TMEM101: variants seen among roughly 807,000 people sequenced by gnomAD.
TMEM101 encodes the protein transmembrane protein 101, also known as putative NF-kappa-B-activating protein 130.
In TMEM101, 14 loss-of-function variants were observed where a neutral mutation model predicts 26.0. That is an observed-to-expected ratio of 0.54 (90% confidence interval 0.36 to 0.84). TMEM101 has a LOEUF of 0.84. Ranked by LOEUF, TMEM101 falls within the 40% of genes least tolerant of loss-of-function variation. TMEM101 has a pLI of 0.01. For synonymous variants in TMEM101, 152 were observed against 145.1 expected, an observed-to-expected ratio of 1.05 and a Z score of -0.34; for missense variants, 292 against 345.1, an observed-to-expected ratio of 0.85 and a Z score of 1.22.
At chr17:44,022,355 T>G (rs1016638966) in intron 1 of TMEM101, among the ~76,000 whole-genome samples, 5 of 152,234 alleles carry the variant, frequency 3.3e-5, no homozygotes, top group Non-Finnish European at 7.3e-5. Context: ...TCTTCAGTAC[T>G]TCTACTTCCA....
At position 44,012,228 on chromosome 17, in the gene TMEM101, T is replaced by G. The variant is rs2049170135; in HGVS notation, c.474A>C (p.Ser158=). 6.2e-7 allele frequency: 1 copy of G among 1,611,530 alleles called. No homozygotes were observed. ...GCCGGTCCTCCTTGCTGTGCTGCAGTGAGTAGGCCTGGAGACATAACATCC... is the reference window on the plus strand; with the variant it reads ...GCCGGTCCTCCTTGCTGTGCTGCAGGGAGTAGGCCTGGAGACATAACATCC... ...LGIYLICVAY[S]LQHSKEDRLA... Residue 158 remains serine, a synonymous_variant, in exon 4 of 4, where the codon TCA becomes TCC. Transcript: ENST00000206380.
intron 2 of TMEM101, among the ~76,000 whole-genome samples, chr17:44,020,064 G>T (rs760192679): frequency 1.3e-5 from 2 of 152,188 alleles, no homozygotes; most frequent in Admixed American, 6.5e-5. Context: ...CTGAATGTTT[G>T]AATTTGTTGC....
rs773435165 is a variant in TMEM101, at chr17:44,012,013, C to A, written c.689G>T (p.Arg230Leu). ...GNVAYWHNTR[R>L]VEFWNQMKLL... is the part of the protein sequence containing the mutation. Reference sequence around the variant, plus strand: ...CTTCATCTGGTTCCAGAACTCAACACGCCGCGTGTTGTGCCAGTAAGCAAC... The same window carrying A: ...CTTCATCTGGTTCCAGAACTCAACAAGCCGCGTGTTGTGCCAGTAAGCAAC... Residue 230 changes from arginine (R) to leucine (L), a missense_variant, in exon 4 of 4, where the codon CGT (arginine) becomes CTT (leucine). By Grantham distance (102) the Arg-to-Leu change is moderately radical. Around this residue, in one of 2 missense-constraint regions of TMEM101, gnomAD observed 149 missense variants for 211.9 expected, o/e 0.70. Coordinates refer to ENST00000206380, the MANE Select transcript of TMEM101 (RefSeq NM_032376.4). 1.2e-6 allele frequency: 2 copies of A among 1,614,068 alleles called. No homozygotes were observed. Among genetic ancestry groups the A allele is most frequent in the Non-Finnish European group, 1.7e-6 (2 of 1,180,044 alleles).
At chr17:44,022,990 T>C in intron 1 of TMEM101, 1 of 218,124 alleles carries the variant, frequency 4.6e-6, no homozygotes, top group Non-Finnish European at 9.4e-6. Flanking sequence ...ATAAGCAAAT[T>C]GCAATAGGAA....
At position 44,012,045 on chromosome 17, in the gene TMEM101, A is replaced by G. The variant is rs747203975; in HGVS notation, c.657T>C (p.Asp219=). ...TGTTGTGCCAGTAAGCAACATTGCC[A>G]TCAATGAGCAGCATGACAGGGGGCA... ...VLLPPVMLLI[D]GNVAYWHNTR... The change falls in exon 4 of 4, where the codon GAT becomes GAC. Residue 219 remains aspartate, a synonymous_variant. Coordinates refer to ENST00000206380, the MANE Select transcript of TMEM101 (RefSeq NM_032376.4). 8 of 1,614,096 alleles carry G rather than the reference A, an allele frequency of 5.0e-6. No homozygotes were observed. In the East Asian group the frequency reaches 1.6e-4, roughly 31 times the overall value.
chr17:44,017,625 T>C (rs2049246998), upstream of TMEM101, among the ~76,000 whole-genome samples: 1 of 141,856 alleles, frequency 7.0e-6, no homozygotes, highest in Non-Finnish European at 1.5e-5. Context: ...AAGCCAGGCA[T>C]GGTGGGAGGC....
At position 44,014,359 on chromosome 17, in the gene TMEM101, T is replaced by G. The variant is rs1597870772; in HGVS notation, c.316A>C (p.Lys106Gln). 6.4e-7 allele frequency: 1 copy of G among 1,550,520 alleles called. No individual in the cohort carries two copies. Among genetic ancestry groups the G allele is most frequent in the African/African-American group, 1.4e-5 (1 of 73,072 alleles). ...GGYVHYGDWL[K>Q]VRMYSRTVAI... Reference sequence around the variant, plus strand: ...CCTTTTGGGGCCGAGGCGCTCACCTTCAGCCAGTCCCCGTAGTGGACGTAG... The same window carrying G: ...CCTTTTGGGGCCGAGGCGCTCACCTGCAGCCAGTCCCCGTAGTGGACGTAG... Residue 106 changes from lysine to glutamine, a missense_variant and splice_region_variant, in exon 2 of 4, where the codon AAG (lysine) becomes CAG (glutamine). This residue lies in a region of TMEM101 where 149 missense variants were observed against 211.9 expected (regional missense o/e 0.70). Transcript: ENST00000206380.
upstream of TMEM101, among the ~76,000 whole-genome samples, chr17:44,015,628 C>A (rs1053087620): frequency 1.3e-5 from 2 of 152,096 alleles, no homozygotes; most frequent in African/African-American, 2.4e-5. Flanking sequence ...CTCCTGACTT[C>A]GTGATCCGCC....
upstream of TMEM101, among the ~76,000 whole-genome samples, chr17:44,015,333 A>G (rs931234433): frequency 6.6e-6 from 1 of 152,120 alleles, no homozygotes; most frequent in Admixed American, 6.5e-5. Flanking sequence ...TATGAGACTC[A>G]TCATGAAATG....
upstream of TMEM101, among the ~76,000 whole-genome samples, chr17:44,015,542 C>A (rs1455108997): frequency 6.6e-6 from 1 of 152,088 alleles, no homozygotes; most frequent in Non-Finnish European, 1.5e-5. Flanking sequence ...TACAGGCTCT[C>A]GCCACCACGC....
upstream of TMEM101, among the ~76,000 whole-genome samples, chr17:44,019,027 T>TC (rs1484853742): frequency 2.0e-5 from 3 of 151,924 alleles, no homozygotes; most frequent in Admixed American, 6.6e-5. Context: ...GTCCCTGTGG[T>TC]CCCCCCACTC....
At chr17:44,014,648 C>T in intron 1 of TMEM101, 111 bp from the exon 2 acceptor site, 1 of 1,510,044 alleles carries the variant, frequency 6.6e-7, no homozygotes. Context: ...CCAGACTCCC[C>T]TCCCATGGGC....
At chr17:44,015,640 G>C (rs998421592), upstream of TMEM101, among the ~76,000 whole-genome samples, 5 of 152,106 alleles carry the variant, frequency 3.3e-5, no homozygotes, top group Non-Finnish European at 7.4e-5. Context: ...TGATCCGCCC[G>C]CCTCGGCCTC....
chr17:44,011,774 G>A lies in TMEM101; in HGVS notation c.*154C>T, dbSNP rs771898940. On this transcript the variant is annotated 3_prime_UTR_variant, in exon 4 of 4. Transcript: ENST00000206380. The stretch of plus-strand genomic sequence containing the variant: ...TGAGCCCAGAAATTTGGACAAATGA[G>A]CTGCCTCTTAACTGCAAAAAACAAT... The A allele has an allele frequency of 5.5e-4, 438 of 798,732 alleles. No individual in the cohort carries two copies. Among genetic ancestry groups the A allele is most frequent in the Non-Finnish European group, 7.8e-4 (407 of 519,284 alleles). The allele number at this position is 798,732 out of a possible 1,614,324, so 49.5% of individuals were successfully genotyped here.
chr17:44,017,739 G>A (rs2049248322), upstream of TMEM101, among the ~76,000 whole-genome samples: 1 of 151,264 alleles, frequency 6.6e-6, no homozygotes, highest in Non-Finnish European at 1.5e-5. Flanking sequence ...CTCCAGCCTG[G>A]GCGACAAGAG....
At chr17:44,017,147 T>G (rs536487850), upstream of TMEM101, among the ~76,000 whole-genome samples, 474 of 76,502 alleles carry the variant, frequency 6.2e-3, 2 homozygotes, top group Admixed American at 0.014. Flanking sequence ...TGAGAGACTC[T>G]GTCTCAAAAA....
chr17:44,015,053 C>G (rs949121876), upstream of TMEM101: 3 of 1,463,592 alleles, frequency 2.0e-6, no homozygotes, highest in African/African-American at 4.3e-5. Context: ...CTTTTTCCTC[C>G]CGGAAACAAC....
chr17:44,014,653 A>G (rs1035757540), intron 1 of TMEM101, 116 bp from the exon 2 acceptor site: 91 of 1,505,940 alleles, frequency 6.0e-5, no homozygotes, highest in Middle Eastern at 6.0e-4. Flanking sequence ...CTCCCCTCCC[A>G]TGGGCAGGAC....
chr17:44,012,864 TG>T, intron 3 of TMEM101, 144 bp downstream of exon 3: 1 of 898,364 alleles, frequency 1.1e-6, no homozygotes, highest in Non-Finnish European at 1.5e-6. Context: ...GCCTAGAAGC[TG>T]GCCAGGGCAA....
Sources: gnomAD v4.1 joint callset for allele counts (sites outside exome capture counted in the v4.1 genomes callset) on GRCh38, gnomAD v4.1.1 for gene constraint, gnomAD v4.1.1 regional missense constraint, MANE v1.5 for transcripts, NCBI Gene and HGNC (gene_info 2026-07-23, HGNC 2026-07-21) for gene names.